ZNF484: variants seen among roughly 807,000 people sequenced by gnomAD.
The protein encoded by ZNF484 is zinc finger protein 484.
A neutral mutation model predicts 12.9 loss-of-function variants in ZNF484; 11 were observed. That is an observed-to-expected ratio of 0.85 (90% CI 0.54 to 1.41). The LOEUF (loss-of-function observed/expected upper bound fraction) is 1.41, where lower values mean the gene tolerates loss of function less well. Ranked by LOEUF, ZNF484 falls within the 40% of genes most tolerant of loss-of-function variation. The pLI, the probability that ZNF484 is intolerant of heterozygous loss-of-function variation, is 0.00. For synonymous variants in ZNF484, 289 were observed against 334.1 expected, an observed-to-expected ratio of 0.86 and a Z score of 1.47; for missense variants, 807 against 1,007.7, an observed-to-expected ratio of 0.80 and a Z score of 2.70.
chr9:92,866,543 G>A (rs1412400597), intron 2 of ZNF484, among the ~76,000 whole-genome samples: 3 of 152,172 alleles, frequency 2.0e-5, no homozygotes, highest in Non-Finnish European at 2.9e-5. Flanking sequence ...ACTGTTGGTG[G>A]GAATGTAAAT....
chr9:92,854,481 T>C (rs950996335), intron 4 of ZNF484, among the ~76,000 whole-genome samples: 11 of 151,956 alleles, frequency 7.2e-5, no homozygotes, highest in African/African-American at 2.7e-4. Flanking sequence ...ACTTTGGGAG[T>C]CCAAGGCGGG....
chr9:92,874,635 T>G (rs1289779968), intron 2 of ZNF484, among the ~76,000 whole-genome samples: 1 of 152,136 alleles, frequency 6.6e-6, no homozygotes, highest in Non-Finnish European at 1.5e-5. Flanking sequence ...TCAGTAGGGT[T>G]GTTGTTGAAG....
intron 2 of ZNF484, among the ~76,000 whole-genome samples, chr9:92,873,829 C>T (rs1417686853): frequency 6.7e-6 from 1 of 148,798 alleles, no homozygotes; most frequent in Non-Finnish European, 1.5e-5. Flanking sequence ...GAAATAGTAC[C>T]AAAAGAAAAA....
intron 4 of ZNF484, among the ~76,000 whole-genome samples, chr9:92,850,736 G>A (rs1448851508): frequency 2.6e-5 from 4 of 151,948 alleles, no homozygotes; most frequent in African/African-American, 4.8e-5. Context: ...GACATGTGCC[G>A]CCATACATGT....
At chr9:92,860,271 A>G (rs2118016212) in intron 2 of ZNF484, among the ~76,000 whole-genome samples, 1 of 152,312 alleles carries the variant, frequency 6.6e-6, no homozygotes, top group African/African-American at 2.4e-5. Context: ...GCAAAGGCCA[A>G]ACCTCTCTTT....
rs541159910 is a variant in ZNF484, at chr9:92,847,387, G to A, written c.1400C>T (p.Pro467Leu). Residue 467 changes from proline to leucine, a missense_variant, in exon 5 of 5, where the codon CCC becomes CTC. Transcript: ENST00000375495. ...VHQRIHTGEN[P>L]FICSECGKVF... Reference sequence around the variant, plus strand: ...CTTCCCACATTCTGAACATATAAAGGGATTCTCTCCTGTGTGAATTCGCTG... The same window carrying A: ...CTTCCCACATTCTGAACATATAAAGAGATTCTCTCCTGTGTGAATTCGCTG... The A allele has an allele frequency of 5.0e-6, 8 of 1,613,668 alleles. No individual in the cohort carries two copies. The highest frequency in any genetic ancestry group is 8.5e-7 in the Non-Finnish European group (1 of 1,179,942).
chr9:92,875,205 A>T (rs944276040), intron 1 of ZNF484, 146 bp from the exon 2 acceptor site: 10 of 623,546 alleles, frequency 1.6e-5, no homozygotes, highest in Non-Finnish European at 2.5e-5. Flanking sequence ...CCCATCCCAT[A>T]TTGTACAAAG....
intron 2 of ZNF484, among the ~76,000 whole-genome samples, chr9:92,865,277 A>T (rs1229663603): frequency 6.6e-6 from 1 of 152,164 alleles, no homozygotes; most frequent in African/African-American, 2.4e-5. Context: ...TTGTCTCTAT[A>T]AAAAATCAAA....
intron 4 of ZNF484, among the ~76,000 whole-genome samples, chr9:92,851,403 G>C (rs1009939735): frequency 2.0e-5 from 3 of 152,210 alleles, no homozygotes; most frequent in Non-Finnish European, 4.4e-5. Flanking sequence ...AAATTTCAGT[G>C]TCCATAAAGT....
intron 2 of ZNF484, among the ~76,000 whole-genome samples, chr9:92,860,644 AAAC>A (rs1442592091): frequency 5.9e-5 from 9 of 151,746 alleles, no homozygotes; most frequent in Admixed American, 5.9e-4. Flanking sequence ...AAACAAAAAA[AAAC>A]CAGTATACTT....
intron 4 of ZNF484, among the ~76,000 whole-genome samples, chr9:92,853,729 G>GTA (rs998901538): frequency 6.6e-6 from 1 of 152,188 alleles, no homozygotes; most frequent in African/African-American, 2.4e-5. Context: ...CCAGCAGGCA[G>GTA]TATAACCAGT....
chr9:92,874,324 T>C (rs1857654240), intron 2 of ZNF484, among the ~76,000 whole-genome samples: 1 of 151,216 alleles, frequency 6.6e-6, no homozygotes, highest in Non-Finnish European at 1.5e-5. Flanking sequence ...TTTTTTTTTT[T>C]TTTTGAGACA....
At position 92,878,006 on chromosome 9, in the gene ZNF484, G is replaced by C. The variant is rs1357235317; in HGVS notation, c.-147C>G. ...TTCTCAATGCCTCCCAGGCCTAGAG[G>C]TACTTCTTACAGCGCTGCCTGGGTT... is the stretch of plus-strand genomic sequence containing the variant. On this transcript the variant is annotated 5_prime_UTR_variant, in exon 1 of 5. The change creates a premature stop within an existing upstream ORF in the 5' untranslated region. Coordinates refer to ENST00000375495, the MANE Select transcript of ZNF484 (RefSeq NM_031486.4). 6.5e-6 allele frequency: 5 copies of C among 767,914 alleles called. No homozygotes were observed. Among genetic ancestry groups the C allele is most frequent in the Non-Finnish European group, 1.0e-5 (5 of 489,220 alleles). The allele number at this position is 767,914 out of a possible 1,614,324, so 47.6% of individuals were successfully genotyped here. A position where few individuals can be genotyped will look rare whatever the true frequency, so the allele number is the denominator to read the frequency against.
chr9:92,846,813 G>A lies in ZNF484; in HGVS notation c.1974C>T (p.His658=). Residue 658 remains histidine, a synonymous_variant, in exon 5 of 5, where the codon CAC becomes CAT. Coordinates refer to ENST00000375495, the MANE Select transcript of ZNF484 (RefSeq NM_031486.4). The part of the protein sequence containing the change: ...RSNLFTHQKI[H]TGEKPYKCSD... ...TACATTTATAAGGTTTCTCTCCAGT[G>A]TGAATTTTCTGGTGTGTAAAGAGAT... is the stretch of plus-strand genomic sequence containing the variant. 1.2e-6 allele frequency: 2 copies of A among 1,613,544 alleles called. No individual in the cohort carries two copies. The highest frequency in any genetic ancestry group is 1.1e-5 in the South Asian group (1 of 91,038).
At chr9:92,855,436 G>C (rs1173993192) in intron 4 of ZNF484, among the ~76,000 whole-genome samples, 1 of 152,162 alleles carries the variant, frequency 6.6e-6, no homozygotes, top group East Asian at 1.9e-4. Context: ...AGATCTATGA[G>C]TATTTGAATG....
At position 92,848,456 on chromosome 9, in the gene ZNF484, G is replaced by A. The variant is rs1238313438; in HGVS notation, c.331C>T (p.Pro111Ser). ...ININLFTRDD[P>S]YSILEELWKD... is the part of the protein sequence containing the mutation. ...CACAATTCTTCTAAAATGGAATATG[G>A]GTCATCTCTTGTGAAGAGATTAATA... The change falls in exon 5 of 5, where the codon CCA (proline) becomes TCA (serine). Residue 111 changes from proline to serine, a missense_variant. By Grantham distance (74) the Pro-to-Ser change is moderately conservative. Transcript: ENST00000375495. This position sits in a 1 kb window ranked among gnomAD's most constrained non-coding sequence, Gnocchi z 4.1. 3.1e-6 allele frequency: 5 copies of A among 1,613,908 alleles called. No homozygotes were observed. Among genetic ancestry groups the A allele is most frequent in the Non-Finnish European group, 4.2e-6 (5 of 1,179,976 alleles).
At chr9:92,863,338 C>T (rs146935799) in intron 2 of ZNF484, among the ~76,000 whole-genome samples, 4,420 of 151,792 alleles carry the variant, frequency 0.029, 286 homozygotes, top group East Asian at 0.28. Flanking sequence ...TAGGTGATGG[C>T]TTGATAGGTG....
chr9:92,868,602 G>A (rs1857249087), intron 2 of ZNF484, among the ~76,000 whole-genome samples: 1 of 152,172 alleles, frequency 6.6e-6, no homozygotes, highest in African/African-American at 2.4e-5. Flanking sequence ...ATCTGCATCT[G>A]GGGAGGGCCT....
In ZNF484 at chr9:92,846,756, T is replaced by C. The variant is rs1400130257; in HGVS notation, c.2031A>G (p.Ser677=). Residue 677 remains serine (S), a synonymous_variant, in exon 5 of 5, where the codon TCA becomes TCG. Transcript: ENST00000375495. ...GGGATTGCTGATGTATATGGAGACC[T>C]GACTTCCTAGTGAAGGCTTTCCCAC... ...SDCGKAFTRK[S]GLHIHQQSHT... is the part of the protein sequence containing the mutation. The C allele has an allele frequency of 2.5e-6, 4 of 1,613,822 alleles. No homozygotes were observed. The Admixed American group carries it at 5.0e-5, about 20-fold the overall frequency.
Sources: allele counts gnomAD v4.1 joint callset (sites outside exome capture counted in the v4.1 genomes callset), GRCh38; gene constraint gnomAD v4.1.1; non-coding constraint Gnocchi (gnomAD v3.1); transcripts MANE v1.5; gene names NCBI Gene and HGNC (gene_info 2026-07-23, HGNC 2026-07-21).